The following ADAMTS19 variants were observed in gnomAD, a reference collection of about 807,000 sequenced individuals.
The protein encoded by ADAMTS19 is ADAM metallopeptidase with thrombospondin type 1 motif 19.
ADAMTS19 carries 93 observed loss-of-function variants against 153.3 expected under a neutral mutation model. That is an observed-to-expected ratio of 0.61 (90% CI 0.51 to 0.72). The LOEUF (loss-of-function observed/expected upper bound fraction) is 0.72. ADAMTS19 is among the 30% of genes least tolerant of loss of function. ADAMTS19 has a pLI of 0.00. For synonymous variants in ADAMTS19, 600 were observed against 556.6 expected (o/e 1.08, Z -1.10); for missense variants, 1,482 against 1,552.1 (o/e 0.95, Z 0.76).
intron 2 of ADAMTS19, among the ~76,000 whole-genome samples, chr5:129,497,937 A>G (rs889014293): frequency 2.6e-5 from 4 of 152,106 alleles, no homozygotes; most frequent in Non-Finnish European, 5.9e-5. Flanking sequence ...GGTTTTCTTC[A>G]GATTTACATT....
chr5:129,697,181 C>T (rs1748474772), intron 19 of ADAMTS19, among the ~76,000 whole-genome samples: 1 of 152,102 alleles, frequency 6.6e-6, no homozygotes, highest in Admixed American at 6.6e-5. Context: ...TTTGGTTAGT[C>T]TTAGGATCTC....
chr5:129,687,927 C>T (rs956658075), intron 18 of ADAMTS19, among the ~76,000 whole-genome samples: 3 of 152,126 alleles, frequency 2.0e-5, no homozygotes, highest in Non-Finnish European at 2.9e-5. Context: ...AACAGTCATT[C>T]TAATAATACA....
intron 19 of ADAMTS19, among the ~76,000 whole-genome samples, chr5:129,699,511 A>G (rs1156469311): frequency 6.6e-6 from 1 of 152,198 alleles, no homozygotes; most frequent in Admixed American, 6.5e-5. Context: ...ACATTGATAC[A>G]TGCCTTTGAG....
chr5:129,592,987 A>G (rs1476304234), intron 7 of ADAMTS19, among the ~76,000 whole-genome samples: 1 of 152,152 alleles, frequency 6.6e-6, no homozygotes, highest in African/African-American at 2.4e-5. Context: ...TAAACATGCT[A>G]TTATATTATA....
chr5:129,581,007 T>C (rs1393813659), intron 7 of ADAMTS19, among the ~76,000 whole-genome samples: 1 of 152,186 alleles, frequency 6.6e-6, no homozygotes, highest in Non-Finnish European at 1.5e-5. Flanking sequence ...TCAGAAAGAA[T>C]GGTACTAGCT....
intron 13 of ADAMTS19, among the ~76,000 whole-genome samples, chr5:129,653,892 A>T (rs1753425336): frequency 6.6e-6 from 1 of 152,178 alleles, no homozygotes; most frequent in African/African-American, 2.4e-5. Context: ...TAATTCAAGC[A>T]TGAAGTAAAT....
chr5:129,653,590 G>A (rs1753410978), intron 13 of ADAMTS19, among the ~76,000 whole-genome samples: 1 of 152,148 alleles, frequency 6.6e-6, no homozygotes, highest in Non-Finnish European at 1.5e-5. Context: ...AGTAGTGAAG[G>A]GGACAGAGTT....
intron 6 of ADAMTS19, among the ~76,000 whole-genome samples, chr5:129,541,867 C>A (rs891317931): frequency 3.3e-5 from 5 of 152,084 alleles, no homozygotes; most frequent in Non-Finnish European, 4.4e-5. Flanking sequence ...TATACAACTT[C>A]TACCACCAGG....
chr5:129,567,005 C>T (rs1326690656), intron 7 of ADAMTS19, among the ~76,000 whole-genome samples: 1 of 151,836 alleles, frequency 6.6e-6, no homozygotes, highest in African/African-American at 2.4e-5. Context: ...GTGGAAGGTG[C>T]GAAAAAGAGC....
chr5:129,643,005 T>C (rs1752867864), intron 11 of ADAMTS19, among the ~76,000 whole-genome samples: 1 of 152,030 alleles, frequency 6.6e-6, no homozygotes, highest in African/African-American at 2.4e-5. Flanking sequence ...GGTCACAATG[T>C]AGTTGTTAAA....
chr5:129,727,837 T>G (rs2127213126), intron 21 of ADAMTS19, among the ~76,000 whole-genome samples: 1 of 152,304 alleles, frequency 6.6e-6, no homozygotes, highest in Non-Finnish European at 1.5e-5. Context: ...GAAGTAGTAC[T>G]GTCAGAGGCT....
chr5:129,697,777 C>T (rs1468819268), intron 19 of ADAMTS19, among the ~76,000 whole-genome samples: 1 of 152,254 alleles, frequency 6.6e-6, no homozygotes, highest in African/African-American at 2.4e-5. Flanking sequence ...ACTGCTGTTC[C>T]TCAGAATTCT....
At chr5:129,502,479 G>A (rs564523485) in intron 2 of ADAMTS19, among the ~76,000 whole-genome samples, 10 of 152,198 alleles carry the variant, frequency 6.6e-5, no homozygotes, top group South Asian at 6.2e-4. Flanking sequence ...ATTGATTTTC[G>A]TTATTTTAAA....
In ADAMTS19 at chr5:129,654,313, A is replaced by G. The variant is rs749203161; in HGVS notation, c.2184A>G (p.Pro728=). 1 of 1,608,498 alleles carries G rather than the reference A, an allele frequency of 6.2e-7. No homozygotes were observed. Among genetic ancestry groups the G allele is most frequent in the South Asian group, 1.1e-5 (1 of 89,680 alleles). The change falls in exon 14 of 23, where the codon CCA becomes CCG. Residue 728 remains proline (P), a synonymous_variant. Transcript: ENST00000274487. ...TATCTACTCTGTATGTAGAAAAACC[A>G]TGTGCCTTGTTTTGCTCTCCTGTTG... ...QWQAVLDEEK[P]CALFCSPVGK...
rs145102413 is a variant in ADAMTS19 at position 129,517,282 on chromosome 5, A to G, written c.913+8040A>G. On this transcript the variant is annotated intron_variant, in intron 3 of 22. Coordinates refer to ENST00000274487, the MANE Select transcript of ADAMTS19 (RefSeq NM_133638.6). ...CAGCTCTTGGTTATAATGTTCTGTAAATCTTTATTAGAGTCATTTGGCCTA... is the reference window on the plus strand; with the variant it reads ...CAGCTCTTGGTTATAATGTTCTGTAGATCTTTATTAGAGTCATTTGGCCTA... Among the ~76,000 whole-genome samples the G allele has an allele frequency of 6.5e-3, 987 of 152,034 alleles. 12 individuals carry two copies. The highest frequency in any genetic ancestry group is 0.023 in the African/African-American group (945 of 41,530).
intron 7 of ADAMTS19, among the ~76,000 whole-genome samples, chr5:129,572,677 C>G (rs1023696061): frequency 2.0e-5 from 3 of 151,922 alleles, no homozygotes; most frequent in Admixed American, 1.3e-4. Flanking sequence ...TCAAAGGTTA[C>G]TTACTGTACA....
intron 2 of ADAMTS19, among the ~76,000 whole-genome samples, chr5:129,501,816 T>C (rs1751116361): frequency 6.6e-6 from 1 of 152,142 alleles, no homozygotes; most frequent in African/African-American, 2.4e-5. Context: ...TATATTATTG[T>C]TTTCTTATAA....
At chr5:129,548,106 T>C (rs571677713) in intron 6 of ADAMTS19, among the ~76,000 whole-genome samples, 2 of 150,722 alleles carry the variant, frequency 1.3e-5, no homozygotes, top group East Asian at 3.9e-4. Context: ...ATTCAGGACA[T>C]AGGCATGGGC....
chr5:129,724,386 G>T (rs573344324), intron 21 of ADAMTS19, among the ~76,000 whole-genome samples: 1 of 152,126 alleles, frequency 6.6e-6, no homozygotes, highest in Non-Finnish European at 1.5e-5. Context: ...TCCAAAGGGA[G>T]GAGGGTATAA....
Sources: gnomAD v4.1 joint callset for allele counts (sites outside exome capture counted in the v4.1 genomes callset) on GRCh38, gnomAD v4.1.1 for gene constraint, MANE v1.5 for transcripts, NCBI Gene and HGNC (gene_info 2026-07-23, HGNC 2026-07-21) for gene names.